The following HSD11B1L variants were observed in gnomAD, a reference collection of about 807,000 sequenced individuals.
The protein encoded by HSD11B1L is hydroxysteroid 11-beta dehydrogenase 1 like.
Under a neutral mutation model 27.0 loss-of-function variants are expected in HSD11B1L, and 22 were observed. The ratio of observed to expected loss-of-function variants is 0.81; its 90% CI spans 0.58 to 1.16. The LOEUF is 1.16. Among genes scored for constraint, HSD11B1L ranks in the 50% most tolerant of loss-of-function variants. The pLI is 0.00. For missense variants in HSD11B1L, 372 were observed against 401.8 expected, an observed-to-expected ratio of 0.93 and a Z score of 0.63; for synonymous variants, 187 against 189.2, an observed-to-expected ratio of 0.99 and a Z score of 0.09.
Position 5,684,802 on chromosome 19 carries a change from C to A in HSD11B1L, c.-14-17C>A. 1 of 1,613,430 alleles carries A rather than the reference C, an allele frequency of 6.2e-7. No homozygotes were observed. The highest frequency in any genetic ancestry group is 1.1e-5 in the South Asian group (1 of 91,084). ...CCAGGCCTGTGCCGGCCACCTCTGT[C>A]CCCTGTCCCTCTGCAGGCCCACACA... is the stretch of plus-strand genomic sequence containing the variant. On this transcript the variant is annotated splice_polypyrimidine_tract_variant and intron_variant, in intron 1 of 7. Transcript: ENST00000339423.
Position 5,684,655 on chromosome 19 carries a change from C to T in HSD11B1L, c.-14-164C>T, listed in dbSNP as rs939459869. The T allele has an allele frequency of 1.6e-5, 17 of 1,036,216 alleles. No homozygotes were observed. The South Asian group carries it at 1.9e-4, about 12-fold the overall frequency. 64.2% of individuals were successfully genotyped at this position (1,036,216 alleles called of 1,614,324 possible). On this transcript the variant is annotated intron_variant, in intron 1 of 7. Coordinates refer to ENST00000339423, the MANE Select transcript of HSD11B1L (RefSeq NM_198706.3). ...GTGCAGGTGCGGTGGTTCATGGAGC[C>T]GCGGTGGTTCATGGAGCCACCGTGG...
chr19:5,686,935 G>C lies in HSD11B1L; in HGVS notation c.352G>C (p.Gly118Arg). The change falls in exon 5 of 8, where the codon GGC becomes CGC. Residue 118 changes from glycine to arginine, a missense_variant. Transcript: ENST00000339423. Reference sequence around the variant, plus strand: ...CTACCTCGTGCTGAACCACATCGGCGGCGCCCCGGCCGGCACGCGAGCCCG... The same window carrying C: ...CTACCTCGTGCTGAACCACATCGGCCGCGCCCCGGCCGGCACGCGAGCCCG... ...LDYLVLNHIG[G>R]APAGTRARSP... 6.4e-7 allele frequency: 1 copy of C among 1,553,258 alleles called. No individual in the cohort carries two copies. Among genetic ancestry groups the C allele is most frequent in the Admixed American group, 1.9e-5 (1 of 51,644 alleles).
chr19:5,688,120 T>G lies in HSD11B1L; in HGVS notation c.*175T>G, dbSNP rs1254929850. On this transcript the variant is annotated 3_prime_UTR_variant, in exon 8 of 8. Transcript: ENST00000339423. ...ACGGGCACCTGGAACCAGTCACGGC[T>G]TGGGAGGTGCAGGTGCCCCGTGTTA... is the stretch of plus-strand genomic sequence containing the variant. 4.5e-6 allele frequency: 7 copies of G among 1,551,186 alleles called. No individual in the cohort carries two copies. Among genetic ancestry groups the G allele is most frequent in the Non-Finnish European group, 6.1e-6 (7 of 1,146,980 alleles).
At chr19:5,686,698 C>A (rs1000668176) in intron 4 of HSD11B1L, among the ~76,000 whole-genome samples, 171 bp downstream of exon 4, 1 of 152,162 alleles carries the variant, frequency 6.6e-6, no homozygotes, top group Non-Finnish European at 1.5e-5. Context: ...GGGAAGAGCT[C>A]TGAACGGGGC....
At chr19:5,682,810 CTTTTTTTT>C (rs5826895) in intron 1 of HSD11B1L, among the ~76,000 whole-genome samples, 1 of 95,380 alleles carries the variant, frequency 1.0e-5, no homozygotes, top group Non-Finnish European at 2.1e-5. Flanking sequence ...GTCCCATTGA[CTTTTTTTT>C]TTTTTTTTTT....
In HSD11B1L at chr19:5,687,509, T is replaced by C. The variant is rs373184843; in HGVS notation, c.509T>C (p.Val170Ala). 1 of 1,597,208 alleles carries C rather than the reference T, an allele frequency of 6.3e-7. No individual in the cohort carries two copies. The highest frequency in any genetic ancestry group is 8.5e-7 in the Non-Finnish European group (1 of 1,178,128). The part of the protein sequence containing the change: ...LVVVSSLLGR[V>A]PTSFSTPYSA... ...CTGCCGTCCGCGCCCCCAGGCCGCG[T>C]GCCCACGTCGTTCTCCACTCCCTAC... Residue 170 changes from valine to alanine, a missense_variant, in exon 7 of 8, where the codon GTG (valine) becomes GCG (alanine). Coordinates refer to ENST00000339423, the MANE Select transcript of HSD11B1L (RefSeq NM_198706.3). This position sits in a 1 kb window ranked among gnomAD's most constrained non-coding sequence, Gnocchi z 6.6.
At position 5,686,962 on chromosome 19, in the gene HSD11B1L, A is replaced by G; in HGVS notation, c.379A>G (p.Ser127Gly). 1 of 1,551,126 alleles carries G rather than the reference A, an allele frequency of 6.4e-7. No individual in the cohort carries two copies. The highest frequency in any genetic ancestry group is 8.7e-7 in the Non-Finnish European group (1 of 1,148,674). ...CGCCCCGGCCGGCACGCGAGCCCGC[A>G]GCCCCCAGGCAACTCGCTGGCTCAT... is the stretch of plus-strand genomic sequence containing the variant. ...GGAPAGTRAR[S>G]PQATRWLMQV... The change falls in exon 5 of 8, where the codon AGC (serine) becomes GGC (glycine). Residue 127 changes from serine (S) to glycine (G), a missense_variant. By Grantham distance (56) the Ser-to-Gly change is moderately conservative. Coordinates refer to ENST00000339423, the MANE Select transcript of HSD11B1L (RefSeq NM_198706.3).
Position 5,687,374 on chromosome 19 carries a change from C to T in HSD11B1L, c.501C>T (p.Leu167=), listed in dbSNP as rs955054476. ...KGSLVVVSSL[L]GRVPTSFSTP... is the part of the protein sequence containing the mutation. The stretch of plus-strand genomic sequence containing the variant: ...CCCTGGTGGTGGTGTCCTCGCTGCT[C>T]GGTGCGTGCACCCGGCCCCGGCTCT... The change falls in exon 6 of 8, where the codon CTC becomes CTT. Residue 167 remains leucine (L), a splice_region_variant and synonymous_variant. Coordinates refer to ENST00000339423, the MANE Select transcript of HSD11B1L (RefSeq NM_198706.3). The surrounding 1 kb of genome is among the most constrained non-coding windows in gnomAD (Gnocchi z 6.6). 2 of 1,611,694 alleles carry T rather than the reference C, an allele frequency of 1.2e-6. No homozygotes were observed. The highest frequency in any genetic ancestry group is 1.7e-6 in the Non-Finnish European group (2 of 1,179,604).
At chr19:5,684,625 G>A (rs1024381005) in intron 1 of HSD11B1L, among the ~76,000 whole-genome samples, 194 bp from the exon 2 acceptor site, 3 of 152,202 alleles carry the variant, frequency 2.0e-5, no homozygotes, top group Non-Finnish European at 4.4e-5. Context: ...GGGTGGAGGG[G>A]GAGGGTGCAG....
In HSD11B1L at chr19:5,687,935, C is replaced by T. The variant is rs753440628; in HGVS notation, c.851C>T (p.Ala284Val). 3.8e-6 allele frequency: 6 copies of T among 1,562,508 alleles called. No individual in the cohort carries two copies. Among genetic ancestry groups the T allele is most frequent in the Non-Finnish European group, 5.2e-6 (6 of 1,152,982 alleles). The change falls in exon 8 of 8, where the codon GCG becomes GTG. Residue 284 changes from alanine (A) to valine (V), a missense_variant. Physicochemically the swap from Ala to Val is moderately conservative, Grantham distance 64 (BLOSUM62 0). Transcript: ENST00000339423. The surrounding 1 kb of genome is among the most constrained non-coding windows in gnomAD (Gnocchi z 6.6). ...CGCCAGGAGCTCAACGTCACGGCCG[C>T]GGCAGCCTGAGCACCGGGGGGTGCC... ...FIRQELNVTA[A>V]AA
Position 5,687,796 on chromosome 19 carries a change from C to A in HSD11B1L, c.712C>A (p.Leu238Met). 1 of 1,511,962 alleles carries A rather than the reference C, an allele frequency of 6.6e-7. No homozygotes were observed. The highest frequency in any genetic ancestry group is 2.5e-5 in the East Asian group (1 of 40,680). The allele number at this position is 1,511,962 out of a possible 1,614,324, so 93.7% of individuals were successfully genotyped here. A position where few individuals can be genotyped will look rare whatever the true frequency, so the allele number is the denominator to read the frequency against. ...VKAAPGPKAA[L>M]AVIRGGATRA... ...GGCGGCCCCGGGGCCCAAGGCAGCCCTGGCCGTGATCCGCGGCGGCGCCAC... is the reference window on the plus strand; with the variant it reads ...GGCGGCCCCGGGGCCCAAGGCAGCCATGGCCGTGATCCGCGGCGGCGCCAC... The change falls in exon 8 of 8, where the codon CTG becomes ATG. Residue 238 changes from leucine (L) to methionine (M), a missense_variant. Transcript: ENST00000339423. The surrounding 1 kb of genome is among the most constrained non-coding windows in gnomAD (Gnocchi z 6.6).
rs1185545297 is a variant in HSD11B1L, at chr19:5,687,858, C to T, written c.774C>T (p.Arg258=). 1.3e-6 allele frequency: 2 copies of T among 1,578,776 alleles called. No individual in the cohort carries two copies. The highest frequency in any genetic ancestry group is 2.3e-5 in the South Asian group (2 of 87,536). The change falls in exon 8 of 8, where the codon CGC becomes CGT. Residue 258 remains arginine, a synonymous_variant. Transcript: ENST00000339423. The surrounding 1 kb of genome is among the most constrained non-coding windows in gnomAD (Gnocchi z 6.6). ...GCGTCTTCTACCCGTGGCGTTTCCG[C>T]CTGCTGTGCTTGCTCCGGCGCTGGC... ...AAGVFYPWRF[R]LLCLLRRWLP... is the part of the protein sequence containing the mutation.
Position 5,682,997 on chromosome 19 carries a change from T to C in HSD11B1L, c.-15+1726T>C, listed in dbSNP as rs1015786517. 2.6e-5 allele frequency among the ~76,000 whole-genome samples: 4 copies of C among 151,738 alleles called. No homozygotes were observed. The East Asian group carries it at 7.7e-4, about 29-fold the overall frequency. On this transcript the variant is annotated intron_variant, in intron 1 of 7. Coordinates refer to ENST00000339423, the MANE Select transcript of HSD11B1L (RefSeq NM_198706.3). The stretch of plus-strand genomic sequence containing the variant: ...TAGTTGGGCGTGCTGGTGCACCCAC[T>C]TGTAGTCCTAGCTGCTCCATTGGCT...
Position 5,688,045 on chromosome 19 carries a change from A to G in HSD11B1L, c.*100A>G. 2 of 1,551,588 alleles carry G rather than the reference A, an allele frequency of 1.3e-6. No individual in the cohort carries two copies. The highest frequency in any genetic ancestry group is 8.7e-7 in the Non-Finnish European group (1 of 1,146,992). On this transcript the variant is annotated 3_prime_UTR_variant, in exon 8 of 8. Transcript: ENST00000339423. ...CAGAGACACCCCTGAGAGGGTGGCC[A>G]CAGCCCAAGATGAAGTCATCAAGAC...
rs1256288155 is a variant in HSD11B1L at position 5,687,398 on chromosome 19, C to T, written c.502+23C>T. ...TCGGTGCGTGCACCCGGCCCCGGCTCTGCGGGACGGGGAGTGGGGAGCTCG... is the reference window on the plus strand; with the variant it reads ...TCGGTGCGTGCACCCGGCCCCGGCTTTGCGGGACGGGGAGTGGGGAGCTCG... On this transcript the variant is annotated intron_variant, in intron 6 of 7. Coordinates refer to ENST00000339423, the MANE Select transcript of HSD11B1L (RefSeq NM_198706.3). This position sits in a 1 kb window ranked among gnomAD's most constrained non-coding sequence, Gnocchi z 6.6. 5 of 1,608,640 alleles carry T rather than the reference C, an allele frequency of 3.1e-6. No individual in the cohort carries two copies. Among genetic ancestry groups the T allele is most frequent in the Admixed American group, 3.3e-5 (2 of 59,850 alleles).
At chr19:5,684,177 G>A (rs1356335227) in intron 1 of HSD11B1L, 9 of 386,118 alleles carry the variant, frequency 2.3e-5, no homozygotes, top group Non-Finnish European at 3.7e-5. Flanking sequence ...CACCGCGCCC[G>A]GCTAATTTTT....
At position 5,685,231 on chromosome 19, in the gene HSD11B1L, C is replaced by T. The variant is rs953553059; in HGVS notation, c.204+112C>T. 111 of 1,355,354 alleles carry T rather than the reference C, an allele frequency of 8.2e-5. No homozygotes were observed. Among genetic ancestry groups the T allele is most frequent in the South Asian group, 3.0e-4 (24 of 80,306 alleles). The allele number at this position is 1,355,354 out of a possible 1,614,324, so 84.0% of individuals were successfully genotyped here. ...GCTTCCCGTGTGACCTTGGGCAAGT[C>T]GCCTAACCTCTCTGAGCCTCTCAGT... is the stretch of plus-strand genomic sequence containing the variant. On this transcript the variant is annotated intron_variant, in intron 3 of 7. Coordinates refer to ENST00000339423, the MANE Select transcript of HSD11B1L (RefSeq NM_198706.3). The surrounding 1 kb of genome is among the most constrained non-coding windows in gnomAD (Gnocchi z 4.3).
rs1208507750 is a variant in HSD11B1L at position 5,681,235 on chromosome 19, C to A, written c.-51C>A. The stretch of plus-strand genomic sequence containing the variant: ...CGTGGCTCCCAGCCCGGGACCCCAC[C>A]CCCGCTGGACAGTGGGGGAAACTGA... On this transcript the variant is annotated 5_prime_UTR_variant, in exon 1 of 8. Coordinates refer to ENST00000339423, the MANE Select transcript of HSD11B1L (RefSeq NM_198706.3). 6.6e-6 allele frequency: 1 copy of A among 152,470 alleles called. No individual in the cohort carries two copies. The highest frequency in any genetic ancestry group is 2.4e-5 in the African/African-American group (1 of 41,446). 9.4% of individuals were successfully genotyped at this position (152,470 alleles called of 1,614,324 possible). A position where few individuals can be genotyped will look rare whatever the true frequency, so the allele number is the denominator to read the frequency against.
Position 5,687,800 on chromosome 19 carries a change from C to T in HSD11B1L, c.716C>T (p.Ala239Val), listed in dbSNP as rs1236137620. ...KAAPGPKAAL[A>V]VIRGGATRAA... The stretch of plus-strand genomic sequence containing the variant: ...GCCCCGGGGCCCAAGGCAGCCCTGG[C>T]CGTGATCCGCGGCGGCGCCACGCGC... The change falls in exon 8 of 8, where the codon GCC becomes GTC. Residue 239 changes from alanine (A) to valine (V), a missense_variant. Transcript: ENST00000339423. This position sits in a 1 kb window ranked among gnomAD's most constrained non-coding sequence, Gnocchi z 6.6. 1.3e-6 allele frequency: 2 copies of T among 1,515,002 alleles called. No individual in the cohort carries two copies. The highest frequency in any genetic ancestry group is 4.9e-5 in the East Asian group (2 of 40,754). 93.8% of individuals were successfully genotyped at this position (1,515,002 alleles called of 1,614,324 possible).
Sources: gnomAD v4.1 joint callset for allele counts (sites outside exome capture counted in the v4.1 genomes callset) on GRCh38, gnomAD v4.1.1 for gene constraint, Gnocchi (gnomAD v3.1) non-coding constraint, MANE v1.5 for transcripts, NCBI Gene and HGNC (gene_info 2026-07-23, HGNC 2026-07-21) for gene names.